Variants in FARSB observed in about 807,000 individuals in gnomAD.
FARSB encodes the protein phenylalanyl-tRNA synthetase subunit beta, also known as phenylalanine--tRNA ligase beta subunit.
Under a neutral mutation model 69.6 loss-of-function variants are expected in FARSB, and 40 were observed. That is an observed-to-expected ratio of 0.57 (90% CI 0.45 to 0.75). FARSB has a LOEUF of 0.75. Ranked by LOEUF, FARSB falls within the 30% of genes least tolerant of loss-of-function variation. The pLI is 0.00. For synonymous variants in FARSB, 235 were observed against 247.2 expected, an observed-to-expected ratio of 0.95 and a Z score of 0.46; for missense variants, 632 against 722.9, an observed-to-expected ratio of 0.87 and a Z score of 1.44.
At chr2:222,593,583 T>C (rs999452365) in intron 16 of FARSB, among the ~76,000 whole-genome samples, 4 of 152,156 alleles carry the variant, frequency 2.6e-5, no homozygotes, top group South Asian at 2.1e-4. Context: ...TTAGTTATGG[T>C]AAGTACTCAA....
intron 16 of FARSB, among the ~76,000 whole-genome samples, chr2:222,599,680 G>A (rs1427432575): frequency 6.6e-6 from 1 of 152,168 alleles, no homozygotes; most frequent in Non-Finnish European, 1.5e-5. Context: ...AAAGGTGCCA[G>A]TAACTAGGGG....
In FARSB at chr2:222,656,027, C is replaced by T; in HGVS notation, c.47G>A (p.Gly16Asp). Residue 16 changes from glycine (G) to aspartate (D), a missense_variant, in exon 1 of 17, where the codon GGC becomes GAC. Coordinates refer to ENST00000281828, the MANE Select transcript of FARSB (RefSeq NM_005687.5). ...GGGCCGCCACTCACTGTAGGTGCGG[C>T]CCAGGGCTTGGAAGAGCAGATCACG... ...VKRDLLFQAL[G>D]RTYTDEEFDE... is the part of the protein sequence containing the mutation. The T allele has an allele frequency of 6.3e-7, 1 of 1,597,136 alleles. No individual in the cohort carries two copies. Among genetic ancestry groups the T allele is most frequent in the East Asian group, 2.3e-5 (1 of 43,800 alleles).
At position 222,642,949 on chromosome 2, in the gene FARSB, G is replaced by A; in HGVS notation, c.171C>T (p.Ala57=). 1 of 1,611,108 alleles carries A rather than the reference G, an allele frequency of 6.2e-7. No individual in the cohort carries two copies. The highest frequency in any genetic ancestry group is 8.5e-7 in the Non-Finnish European group (1 of 1,177,464). ...KEQGNVKAAG[A]SDVVLYKIDV... ...CAATTTTGTAAAGAACAACATCAGA[G>A]GCTCCTGCTGCCTTTACATTACCTT... The change falls in exon 3 of 17, where the codon GCC becomes GCT. Residue 57 remains alanine (A), a synonymous_variant. Transcript: ENST00000281828.
At chr2:222,648,901 C>T in intron 1 of FARSB, 106 bp from the exon 2 acceptor site, 2 of 783,348 alleles carry the variant, frequency 2.6e-6, no homozygotes, top group Non-Finnish European at 4.6e-6. Context: ...ACCAATCATA[C>T]TACTAAATAT....
chr2:222,625,297 C>T (rs1691241378), intron 10 of FARSB, among the ~76,000 whole-genome samples: 3 of 152,204 alleles, frequency 2.0e-5, no homozygotes, highest in South Asian at 4.1e-4. Flanking sequence ...TATAACTCCA[C>T]CGTATTAGTG....
rs953362492 is a variant in FARSB, at chr2:222,631,547, C to T, written c.786+57G>A. On this transcript the variant is annotated intron_variant, in intron 8 of 16. Transcript: ENST00000281828. ...AAATTTTAGCCACTTAGTCTTGGTC[C>T]GGAAATAAAATCTATCCCAGCTGAT... 5.6e-5 allele frequency: 53 copies of T among 945,862 alleles called. 1 individual carries two copies. In the South Asian group the frequency reaches 6.2e-4, roughly 11 times the overall value. 58.6% of individuals were successfully genotyped at this position (945,862 alleles called of 1,614,324 possible).
chr2:222,644,490 G>A (rs1574952915), intron 2 of FARSB: 1 of 450,528 alleles, frequency 2.2e-6, no homozygotes, highest in Non-Finnish European at 4.5e-6. Flanking sequence ...TCAATCAAAG[G>A]GGTTAATAAA....
intron 2 of FARSB, among the ~76,000 whole-genome samples, chr2:222,646,760 T>C (rs538380534): frequency 9.8e-5 from 15 of 152,392 alleles, no homozygotes; most frequent in Admixed American, 3.3e-4. Context: ...TAACCTAAGT[T>C]GCTCAAATTC....
At chr2:222,585,697 C>A (rs991588908) in intron 16 of FARSB, among the ~76,000 whole-genome samples, 2 of 152,144 alleles carry the variant, frequency 1.3e-5, no homozygotes, top group Admixed American at 6.5e-5. Context: ...GAGCTGAAAA[C>A]CATGGCAAGA....
At position 222,580,478 on chromosome 2, in the gene FARSB, T is replaced by C. The variant is rs193158548; in HGVS notation, c.1619-8456A>G. On this transcript the variant is annotated intron_variant, in intron 16 of 16. Transcript: ENST00000281828. ...GTGTTCAAAACTAGCCTGGGCAACA[T>C]AGTGAGACAACATCTCAAAAAAAAA... 3.3e-4 allele frequency among the ~76,000 whole-genome samples: 47 copies of C among 144,576 alleles called. 1 individual carries two copies. The highest frequency in any genetic ancestry group is 3.1e-3 in the Admixed American group (43 of 13,790). The allele number at this position is 144,576 out of a possible 152,430, so 94.8% of individuals were successfully genotyped here.
chr2:222,642,194 T>C (rs1188516249), intron 3 of FARSB, among the ~76,000 whole-genome samples: 2 of 152,104 alleles, frequency 1.3e-5, no homozygotes, highest in Non-Finnish European at 2.9e-5. Context: ...AGAGACGGGG[T>C]TTCACCATGT....
chr2:222,619,722 T>C lies in FARSB; in HGVS notation c.1267A>G (p.Ile423Val). 1 of 1,595,862 alleles carries C rather than the reference T, an allele frequency of 6.3e-7. No homozygotes were observed. The highest frequency in any genetic ancestry group is 8.6e-7 in the Non-Finnish European group (1 of 1,164,258). ...LTFALCSQED[I>V]ADKLGVDISA... ...ATATCCACACCTAGTTTATCAGCAA[T>C]ATCTTCTTGGGAGCACTGTGAAGTA... The change falls in exon 14 of 17, where the codon ATT (isoleucine) becomes GTT (valine). Residue 423 changes from isoleucine (I) to valine (V), a missense_variant. Coordinates refer to ENST00000281828, the MANE Select transcript of FARSB (RefSeq NM_005687.5).
chr2:222,633,128 G>A, intron 7 of FARSB, 71 bp downstream of exon 7: 2 of 825,324 alleles, frequency 2.4e-6, no homozygotes, highest in Admixed American at 1.8e-5. Context: ...CAAGTCTATT[G>A]AGAATTCTAC....
At chr2:222,573,654 A>G (rs1689767395) in intron 16 of FARSB, among the ~76,000 whole-genome samples, 1 of 152,228 alleles carries the variant, frequency 6.6e-6, no homozygotes. Context: ...TGAAGATTAT[A>G]TAAGGTGTTG....
At chr2:222,628,921 G>A (rs1402270776) in intron 9 of FARSB, 33 bp from the exon 10 acceptor site, 7 of 1,545,944 alleles carry the variant, frequency 4.5e-6, no homozygotes, top group Admixed American at 3.5e-5. Context: ...AAATACTTAA[G>A]AAAAAAATGT....
intron 13 of FARSB, 149 bp from the exon 14 acceptor site, chr2:222,619,886 A>T: frequency 2.0e-6 from 1 of 504,934 alleles, no homozygotes; most frequent in Non-Finnish European, 3.6e-6. Context: ...GAGCTGAAGT[A>T]AATGTAATAA....
Position 222,600,075 on chromosome 2 carries a change from C to G in FARSB, c.1471G>C (p.Ala491Pro). The stretch of plus-strand genomic sequence containing the variant: ...GCACAGAGATGTCTGTAGTTTTTTG[C>G]ACCTACATCTAGAAAAATAAAGGAA... ...VIKDSNTDVG[A>P]KNYRHLCAVY... Residue 491 changes from alanine (A) to proline (P), a missense_variant, in exon 16 of 17, where the codon GCA (alanine) becomes CCA (proline). Physicochemically the swap from Ala to Pro is conservative, Grantham distance 27. Coordinates refer to ENST00000281828, the MANE Select transcript of FARSB (RefSeq NM_005687.5). The G allele has an allele frequency of 6.2e-7, 1 of 1,604,322 alleles. No homozygotes were observed.
At chr2:222,648,921 C>T (rs1691948731) in intron 1 of FARSB, 126 bp from the exon 2 acceptor site, 7 of 726,352 alleles carry the variant, frequency 9.6e-6, no homozygotes, top group Admixed American at 4.1e-5. Flanking sequence ...TCAGGCATCA[C>T]ATATTATCAT....
intron 16 of FARSB, among the ~76,000 whole-genome samples, chr2:222,582,429 T>TA (rs1302297533): frequency 6.6e-6 from 1 of 152,144 alleles, no homozygotes; most frequent in Non-Finnish European, 1.5e-5. Flanking sequence ...TGAAAACTAA[T>TA]AAAAATCATA....
Sources: allele counts gnomAD v4.1 joint callset (sites outside exome capture counted in the v4.1 genomes callset), GRCh38; gene constraint gnomAD v4.1.1; transcripts MANE v1.5; gene names NCBI Gene and HGNC (gene_info 2026-07-23, HGNC 2026-07-21).